Variants in GALNTL6 observed in about 807,000 individuals in gnomAD.
GALNTL6 encodes the protein polypeptide N-acetylgalactosaminyltransferase like 6.
In GALNTL6, 46 loss-of-function variants were observed where a neutral mutation model predicts 73.7. The ratio of observed to expected loss-of-function variants is 0.62; its 90% CI spans 0.49 to 0.80. The LOEUF (loss-of-function observed/expected upper bound fraction) is 0.80. GALNTL6 is among the 30% of genes least tolerant of loss of function. GALNTL6 has a pLI of 0.00. For missense variants in GALNTL6, 604 were observed against 755.0 expected, an observed-to-expected ratio of 0.80 and a Z score of 2.34; for synonymous variants, 259 against 263.7, an observed-to-expected ratio of 0.98 and a Z score of 0.17.
chr4:172,631,714 G>C (rs958587519), intron 5 of GALNTL6, among the ~76,000 whole-genome samples: 1 of 152,162 alleles, frequency 6.6e-6, no homozygotes, highest in African/African-American at 2.4e-5. Flanking sequence ...TTGCTTTCAA[G>C]ATTCCCTCCA....
Position 172,447,438 on chromosome 4 carries a change from G to A in GALNTL6, c.553+98749G>A, listed in dbSNP as rs544783823. Among the ~76,000 whole-genome samples, 65 of 152,254 alleles carry A rather than the reference G, an allele frequency of 4.3e-4. 1 individual carries two copies. The highest frequency in any genetic ancestry group is 3.4e-3 in the Middle Eastern group (1 of 294). ...ACAAGTAGCCACTGCATTTGGCATC[G>A]GTTGTAGGTTCAAACTTTACATTTC... On this transcript the variant is annotated intron_variant, in intron 5 of 12. Transcript: ENST00000506823.
intron 5 of GALNTL6, among the ~76,000 whole-genome samples, chr4:172,784,511 A>G (rs1293373905): frequency 6.6e-6 from 1 of 152,148 alleles, no homozygotes; most frequent in Admixed American, 6.5e-5. Context: ...GGTGGTCAAA[A>G]GTCTAGAATG....
intron 2 of GALNTL6, among the ~76,000 whole-genome samples, chr4:171,920,379 A>T (rs1737751457): frequency 6.6e-6 from 1 of 152,084 alleles, no homozygotes; most frequent in African/African-American, 2.4e-5. Flanking sequence ...TTAAAGTATA[A>T]TTTAAAAAAA....
intron 5 of GALNTL6, among the ~76,000 whole-genome samples, chr4:172,600,216 A>C (rs1738005730): frequency 6.6e-6 from 1 of 152,110 alleles, no homozygotes; most frequent in African/African-American, 2.4e-5. Flanking sequence ...CTAGCACCAT[A>C]TTTGCCTTCC....
At chr4:172,485,310 C>T (rs337992) in intron 5 of GALNTL6, among the ~76,000 whole-genome samples, 17,887 of 151,932 alleles carry the variant, frequency 0.12, 1,086 homozygotes, top group East Asian at 0.23. Context: ...AGACGATAAA[C>T]AGTTCAATTT....
chr4:172,621,944 G>A (rs946353721), intron 5 of GALNTL6, among the ~76,000 whole-genome samples: 6 of 151,878 alleles, frequency 4.0e-5, no homozygotes, highest in African/African-American at 1.5e-4. Flanking sequence ...CAATCTAACG[G>A]CATTCATGGG....
At chr4:171,849,486 G>A (rs1735461560) in intron 2 of GALNTL6, among the ~76,000 whole-genome samples, 2 of 152,088 alleles carry the variant, frequency 1.3e-5, no homozygotes, top group African/African-American at 4.8e-5. Flanking sequence ...TGTTTGCACA[G>A]CATTTCAATT....
chr4:172,884,558 C>T (rs1745622812), intron 8 of GALNTL6, among the ~76,000 whole-genome samples: 1 of 152,124 alleles, frequency 6.6e-6, no homozygotes, highest in South Asian at 2.1e-4. Flanking sequence ...AACATTTTCT[C>T]CCATCCTACA....
intron 5 of GALNTL6, among the ~76,000 whole-genome samples, chr4:172,637,804 T>G (rs1739765918): frequency 6.6e-6 from 1 of 152,114 alleles, no homozygotes; most frequent in Admixed American, 6.6e-5. Context: ...CTGAAAATAA[T>G]CTACTTCTAA....
At chr4:172,637,155 G>A (rs952756863) in intron 5 of GALNTL6, among the ~76,000 whole-genome samples, 2 of 152,044 alleles carry the variant, frequency 1.3e-5, no homozygotes, top group Non-Finnish European at 2.9e-5. Context: ...AGATTATTAG[G>A]TATTGCTAAG....
intron 3 of GALNTL6, among the ~76,000 whole-genome samples, chr4:172,271,745 T>C (rs1174484811): frequency 1.3e-5 from 2 of 151,958 alleles, no homozygotes; most frequent in Non-Finnish European, 2.9e-5. Context: ...TATATGCACA[T>C]GCATAAACAT....
intron 5 of GALNTL6, among the ~76,000 whole-genome samples, chr4:172,372,204 G>A (rs1182076027): frequency 1.3e-5 from 2 of 152,326 alleles, no homozygotes; most frequent in Admixed American, 1.3e-4. Context: ...AGGGGACTTT[G>A]AAGAGATCAT....
chr4:172,274,078 T>C (rs1561001064), intron 3 of GALNTL6, among the ~76,000 whole-genome samples: 1 of 152,198 alleles, frequency 6.6e-6, no homozygotes, highest in Non-Finnish European at 1.5e-5. Flanking sequence ...ATGTAGAAAA[T>C]CGTTTCATTA....
At chr4:172,971,463 G>T (rs907332327) in intron 10 of GALNTL6, among the ~76,000 whole-genome samples, 12 of 152,316 alleles carry the variant, frequency 7.9e-5, no homozygotes, top group African/African-American at 2.6e-4. Flanking sequence ...TTGGCTACAG[G>T]ATGGAGGAAT....
At chr4:172,976,247 AAGTT>A (rs1197100241) in intron 10 of GALNTL6, among the ~76,000 whole-genome samples, 5 of 152,244 alleles carry the variant, frequency 3.3e-5, no homozygotes, top group African/African-American at 1.2e-4. Context: ...GTAGCAATCT[AAGTT>A]AGTCATTAAA....
At chr4:171,987,289 A>T (rs1385415890) in intron 2 of GALNTL6, among the ~76,000 whole-genome samples, 1 of 152,168 alleles carries the variant, frequency 6.6e-6, no homozygotes. Flanking sequence ...ACCGTAAGGG[A>T]TATAAAGGTT....
intron 2 of GALNTL6, among the ~76,000 whole-genome samples, chr4:171,893,754 A>G (rs1297059722): frequency 6.6e-6 from 1 of 152,166 alleles, no homozygotes; most frequent in Non-Finnish European, 1.5e-5. Context: ...AAGTCTACTT[A>G]CTAGTTCTCT....
At chr4:172,664,657 T>C (rs1051740890) in intron 5 of GALNTL6, among the ~76,000 whole-genome samples, 1 of 152,076 alleles carries the variant, frequency 6.6e-6, no homozygotes, top group Admixed American at 6.6e-5. Context: ...GCTGCAAGAG[T>C]AATTCTCAAA....
At chr4:172,560,778 C>T (rs1365888790) in intron 5 of GALNTL6, among the ~76,000 whole-genome samples, 1 of 152,086 alleles carries the variant, frequency 6.6e-6, no homozygotes, top group Non-Finnish European at 1.5e-5. Context: ...TTTGTTAAAT[C>T]TTTATGGAAA....
Sources: gnomAD v4.1 joint callset for allele counts (sites outside exome capture counted in the v4.1 genomes callset) on GRCh38, gnomAD v4.1.1 for gene constraint, MANE v1.5 for transcripts, NCBI Gene and HGNC (gene_info 2026-07-23, HGNC 2026-07-21) for gene names.